The following AKNA variants were observed in gnomAD, a reference collection of about 807,000 sequenced individuals.
AKNA encodes microtubule organization protein AKNA.
AKNA carries 67 observed loss-of-function variants against 138.8 expected under a neutral mutation model. The observed-to-expected ratio is 0.48, with a 90% CI of 0.40 to 0.59. The LOEUF (loss-of-function observed/expected upper bound fraction) is 0.59. AKNA is among the 20% of genes least tolerant of loss of function. The pLI, the probability that AKNA is intolerant of heterozygous loss-of-function variation, is 0.00. For synonymous variants in AKNA, 737 were observed against 754.4 expected, an observed-to-expected ratio of 0.98 and a Z score of 0.38; for missense variants, 1,813 against 1,880.4, an observed-to-expected ratio of 0.96 and a Z score of 0.66.
chr9:114,375,465 C>A (rs1393159108), intron 3 of AKNA, among the ~76,000 whole-genome samples: 3 of 152,102 alleles, frequency 2.0e-5, no homozygotes, highest in Non-Finnish European at 4.4e-5. Context: ...TGGACGGGAA[C>A]GAATAAGCCA....
chr9:114,393,727 A>T (rs1471534406), intron 1 of AKNA, among the ~76,000 whole-genome samples: 2 of 151,978 alleles, frequency 1.3e-5, no homozygotes, highest in African/African-American at 4.8e-5. Flanking sequence ...TAAGTGGACA[A>T]GCCAGTTATA....
intron 1 of AKNA, chr9:114,383,145 A>G: frequency 2.2e-6 from 1 of 455,980 alleles, no homozygotes; most frequent in Non-Finnish European, 4.4e-6. Context: ...GTGTGGTTTA[A>G]AAGTTCCCCT....
intron 5 of AKNA, among the ~76,000 whole-genome samples, chr9:114,367,908 A>G (rs576152176): frequency 2.0e-4 from 31 of 152,366 alleles, no homozygotes; most frequent in African/African-American, 5.8e-4. Context: ...CCCAGGCCAC[A>G]TGGTTGGCTG....
In AKNA at chr9:114,368,440, T is replaced by A. The variant is rs1311704165; in HGVS notation, c.1572A>T (p.Ser524=). ...CTGCAGCTCTTCTCCCGGACTCACC[T>A]GAGGCCGCAGAGGCCTGGGGGTCCT... is the stretch of plus-strand genomic sequence containing the variant. ...PAEDPQASAA[S]GWPSARGDLS... The change falls in exon 5 of 22, where the codon TCA becomes TCT. Residue 524 remains serine (S), a splice_region_variant and synonymous_variant. Transcript: ENST00000374088. The A allele has an allele frequency of 9.1e-6, 12 of 1,318,034 alleles. No homozygotes were observed. The Admixed American group carries it at 2.1e-4, about 23-fold the overall frequency. 81.6% of individuals were successfully genotyped at this position (1,318,034 alleles called of 1,614,324 possible). A position where few individuals can be genotyped will look rare whatever the true frequency, so the allele number is the denominator to read the frequency against.
At chr9:114,350,177 G>T (rs563496028) in intron 15 of AKNA, among the ~76,000 whole-genome samples, 1 of 152,286 alleles carries the variant, frequency 6.6e-6, no homozygotes, top group East Asian at 1.9e-4. Flanking sequence ...AGGGGAGGCT[G>T]CAGGGGTAGA....
chr9:114,389,945 C>A (rs1436784948), upstream of AKNA, among the ~76,000 whole-genome samples: 1 of 152,158 alleles, frequency 6.6e-6, no homozygotes, highest in Non-Finnish European at 1.5e-5. Flanking sequence ...TAGCCCCCAG[C>A]CCCACATGGA....
At chr9:114,365,279 C>T (rs1171073006) in intron 6 of AKNA, among the ~76,000 whole-genome samples, 3 of 152,084 alleles carry the variant, frequency 2.0e-5, no homozygotes, top group Non-Finnish European at 2.9e-5. Flanking sequence ...TCGTTGCCTA[C>T]CCAAAAATAA....
rs761881030 is a variant in AKNA, at chr9:114,362,436, T to C, written c.1886A>G (p.Lys629Arg). The C allele has an allele frequency of 6.2e-7, 1 of 1,612,710 alleles. No homozygotes were observed. ...AGGATCAAATCTTCCAGGCGTCCCC[T>C]TGGAGCCGGCAAGCGGCTGGGCAGG... ...QHPAQPLAGS[K>R]GTPGRFDPRR... The change falls in exon 8 of 22, where the codon AAG becomes AGG. Residue 629 changes from lysine (K) to arginine (R), a missense_variant. Coordinates refer to ENST00000374088, the MANE Select transcript of AKNA (RefSeq NM_001317950.2).
rs750621051 is a variant in AKNA, at chr9:114,350,847, T to C, written c.3221+12A>G. 6.5e-7 allele frequency: 1 copy of C among 1,532,732 alleles called. No individual in the cohort carries two copies. The highest frequency in any genetic ancestry group is 1.3e-5 in the South Asian group (1 of 78,474). 94.9% of individuals were successfully genotyped at this position (1,532,732 alleles called of 1,614,324 possible). A position where few individuals can be genotyped will look rare whatever the true frequency, so the allele number is the denominator to read the frequency against. On this transcript the variant is annotated intron_variant, in intron 15 of 21. Coordinates refer to ENST00000374088, the MANE Select transcript of AKNA (RefSeq NM_001317950.2). ...TGAGCTTGAATCCCCAGGATCCAAG[T>C]GTCTAACTTACTCTCGCCCTGCCCT...
chr9:114,375,698 G>A (rs1410274607), intron 3 of AKNA, among the ~76,000 whole-genome samples: 5 of 152,152 alleles, frequency 3.3e-5, no homozygotes, highest in African/African-American at 4.8e-5. Flanking sequence ...TAAGGCCACA[G>A]GCGAGAAAGG....
chr9:114,341,296 A>T (rs147900721), intron 21 of AKNA, among the ~76,000 whole-genome samples: 2 of 152,212 alleles, frequency 1.3e-5, no homozygotes, highest in Admixed American at 6.5e-5. Context: ...AGTCCCCTTC[A>T]CTGCTGGGTC....
intron 9 of AKNA, among the ~76,000 whole-genome samples, chr9:114,360,763 A>C (rs1831888563): frequency 6.6e-6 from 1 of 151,942 alleles, no homozygotes; most frequent in African/African-American, 2.4e-5. Flanking sequence ...AGGCATAGAG[A>C]CCCCACTACT....
At chr9:114,356,258 C>T (rs1831499417) in intron 13 of AKNA, 122 bp from the exon 14 acceptor site, 2 of 873,512 alleles carry the variant, frequency 2.3e-6, no homozygotes. Context: ...CTTTGCATCT[C>T]GGGTGGTACA....
rs770690833 is a variant in AKNA, at chr9:114,357,939, G to A, written c.2721C>T (p.Gly907=). 64 of 1,598,406 alleles carry A rather than the reference G, an allele frequency of 4.0e-5. No individual in the cohort carries two copies. The Middle Eastern group carries it at 4.7e-3, about 118-fold the overall frequency. Residue 907 remains glycine (G), a synonymous_variant, in exon 12 of 22, where the codon GGC becomes GGT. Coordinates refer to ENST00000374088, the MANE Select transcript of AKNA (RefSeq NM_001317950.2). ...ERLPQKPLHR[G]GGPHLEETWM... is the part of the protein sequence containing the mutation. ...GACTTACCTCCAGGTGGGGCCCACC[G>A]CCTCGGTGCAAAGGCTTCTGTGGAA...
At chr9:114,357,042 G>T (rs1831551380) in intron 12 of AKNA, 73 bp from the exon 13 acceptor site, 7 of 1,398,658 alleles carry the variant, frequency 5.0e-6, no homozygotes, top group Non-Finnish European at 6.8e-6. Flanking sequence ...CCCAAATCGT[G>T]GCCTGGCCTC....
rs1032364596 is a variant in AKNA, at chr9:114,345,844, G to T, written c.3661+19C>A. The T allele has an allele frequency of 1.2e-6, 2 of 1,612,472 alleles. No homozygotes were observed. Among genetic ancestry groups the T allele is most frequent in the Non-Finnish European group, 1.7e-6 (2 of 1,179,022 alleles). On this transcript the variant is annotated intron_variant, in intron 18 of 21. Transcript: ENST00000374088. ...GACACCAGGAGCTGCACCCATCCCG[G>T]CCCTCCCTCCTGACCTACCTGTGTA...
rs746130699 is a variant in AKNA, at chr9:114,342,064, C to G, written c.3819G>C (p.Leu1273=). 6.2e-7 allele frequency: 1 copy of G among 1,613,762 alleles called. No individual in the cohort carries two copies. The highest frequency in any genetic ancestry group is 8.5e-7 in the Non-Finnish European group (1 of 1,179,836). The change falls in exon 20 of 22, where the codon CTG becomes CTC. Residue 1273 remains leucine, a synonymous_variant. Transcript: ENST00000374088. Reference sequence around the variant, plus strand: ...CTGGGGGAGACCCAACTTGACCACACAGGGGACACTGAAGGGTATCAGCGG... The same window carrying G: ...CTGGGGGAGACCCAACTTGACCACAGAGGGGACACTGAAGGGTATCAGCGG... ...PPPADTLQCP[L]CGQVGSPPEA...
rs1166599578 is a variant in AKNA at position 114,376,933 on chromosome 9, G to A, written c.874C>T (p.Pro292Ser). Residue 292 changes from proline to serine, a missense_variant, in exon 3 of 22, where the codon CCC becomes TCC. Transcript: ENST00000374088. ...RETTRFFCPQ[P>S]KEHIWKQTKT... is the part of the protein sequence containing the mutation. ...GTCTGCTTCCAGATGTGTTCCTTGG[G>A]CTGAGGGCAGAAGAATCTGGTCGTT... 3 of 1,614,104 alleles carry A rather than the reference G, an allele frequency of 1.9e-6. No homozygotes were observed. The highest frequency in any genetic ancestry group is 2.5e-6 in the Non-Finnish European group (3 of 1,180,040).
intron 21 of AKNA, among the ~76,000 whole-genome samples, chr9:114,340,823 C>T (rs575289889): frequency 2.1e-4 from 32 of 152,234 alleles, no homozygotes; most frequent in African/African-American, 7.5e-4. Context: ...ACCAGGACTC[C>T]CCAGAGATGT....
Sources: allele counts gnomAD v4.1 joint callset (sites outside exome capture counted in the v4.1 genomes callset), GRCh38; gene constraint gnomAD v4.1.1; transcripts MANE v1.5; gene names NCBI Gene and HGNC (gene_info 2026-07-23, HGNC 2026-07-21).